The following GOLGA8B variants were observed in gnomAD, a reference collection of about 807,000 sequenced individuals.
The protein encoded by GOLGA8B is golgin A8 family member B, also known as golgin subfamily A member 8B.
In GOLGA8B, 1 loss-of-function variant was observed where a neutral mutation model predicts 15.6. That is an observed-to-expected ratio of 0.06 (90% CI 0.02 to 0.30). GOLGA8B has a LOEUF of 0.30. Ranked by LOEUF, GOLGA8B falls within the 10% of genes least tolerant of loss-of-function variation. The pLI is 1.00. For missense variants in GOLGA8B, 17 were observed against 201.3 expected, an observed-to-expected ratio of 0.08 and a Z score of 5.54; for synonymous variants, 9 against 80.3, an observed-to-expected ratio of 0.11 and a Z score of 4.75.
At chr15:34,563,558 C>T (rs4923702) in intron 1 of GOLGA8B, among the ~76,000 whole-genome samples, 12,518 of 126,464 alleles carry the variant, frequency 0.099, 630 homozygotes, top group Admixed American at 0.19. Flanking sequence ...GTAACCCCAT[C>T]CCTTTTTTTT....
At chr15:34,575,142 G>T (rs72724901) in intron 1 of GOLGA8B, among the ~76,000 whole-genome samples, 1 of 149,114 alleles carries the variant, frequency 6.7e-6, no homozygotes, top group Non-Finnish European at 1.5e-5. Context: ...TAAAACGTCC[G>T]CACTAGCAAG....
At chr15:34,577,529 C>T (rs1301882589) in intron 1 of GOLGA8B, among the ~76,000 whole-genome samples, 2 of 149,644 alleles carry the variant, frequency 1.3e-5, no homozygotes, top group Non-Finnish European at 3.0e-5. Flanking sequence ...CACACACACA[C>T]ACACACACAC....
intron 1 of GOLGA8B, among the ~76,000 whole-genome samples, chr15:34,581,958 G>A (rs1365318069): frequency 1.3e-5 from 2 of 152,158 alleles, no homozygotes; most frequent in Non-Finnish European, 2.9e-5. Flanking sequence ...GCACACAGCT[G>A]CAAGGTCCAG....
chr15:34,567,382 G>A (rs1464939568), intron 1 of GOLGA8B, among the ~76,000 whole-genome samples: 1 of 151,146 alleles, frequency 6.6e-6, no homozygotes, highest in Non-Finnish European at 1.5e-5. Flanking sequence ...ACTTCCTTGG[G>A]CTGTGGCTGG....
chr15:34,567,770 G>T (rs1313434137), intron 1 of GOLGA8B, among the ~76,000 whole-genome samples: 3 of 151,838 alleles, frequency 2.0e-5, no homozygotes, highest in Admixed American at 2.0e-4. Context: ...CAGATTACTG[G>T]TTTTCAAGCA....
intron 1 of GOLGA8B, among the ~76,000 whole-genome samples, chr15:34,582,553 G>C (rs1392488001): frequency 6.6e-6 from 1 of 152,212 alleles, no homozygotes. Flanking sequence ...TTTACGTCTG[G>C]TGCCTGCCAG....
chr15:34,554,441 A>T (rs1888437459), intron 1 of GOLGA8B, among the ~76,000 whole-genome samples: 1 of 134,950 alleles, frequency 7.4e-6, no homozygotes. Flanking sequence ...AACCACACAC[A>T]TTACACACAC....
rs1384358349 is a variant in GOLGA8B at position 34,567,716 on chromosome 15, A to T, written c.-1122-13760T>A. 1.8e-4 allele frequency among the ~76,000 whole-genome samples: 27 copies of T among 151,790 alleles called. 1 individual carries two copies. Among genetic ancestry groups the T allele is most frequent in the African/African-American group, 4.1e-4 (17 of 41,144 alleles). On this transcript the variant is annotated intron_variant, in intron 1 of 23. Coordinates refer to ENST00000683415, the MANE Select transcript of GOLGA8B (RefSeq NM_001023567.5). ...TACCCAGGAAATGACGCACACGGGC[A>T]GATATTAAACCCACCCACACCAAGA...
At chr15:34,578,998 A>C (rs2140357257) in intron 1 of GOLGA8B, among the ~76,000 whole-genome samples, 1 of 152,224 alleles carries the variant, frequency 6.6e-6, no homozygotes, top group East Asian at 1.9e-4. Flanking sequence ...GAGAAGCCAC[A>C]CCATGGAGTC....
At chr15:34,577,031 T>C (rs1195477953) in intron 1 of GOLGA8B, among the ~76,000 whole-genome samples, 1 of 149,766 alleles carries the variant, frequency 6.7e-6, no homozygotes, top group Non-Finnish European at 1.5e-5. Context: ...CAAGACAAAC[T>C]CTGAGCAGTG....
chr15:34,579,069 A>C (rs1281288317), intron 1 of GOLGA8B, among the ~76,000 whole-genome samples: 1 of 152,018 alleles, frequency 6.6e-6, no homozygotes, highest in African/African-American at 2.4e-5. Flanking sequence ...GCCTCAAAAC[A>C]ACCACAGGCA....
intron 1 of GOLGA8B, among the ~76,000 whole-genome samples, chr15:34,574,581 A>G (rs112124593): frequency 6.6e-6 from 1 of 152,072 alleles, no homozygotes; most frequent in African/African-American, 2.4e-5. Flanking sequence ...CTGGGATTAC[A>G]GCATGAACCA....
chr15:34,548,316 A>G (rs1397110088), intron 4 of GOLGA8B, among the ~76,000 whole-genome samples: 7 of 151,190 alleles, frequency 4.6e-5, no homozygotes, highest in African/African-American at 1.7e-4. Flanking sequence ...AACAAAAAAC[A>G]GTTCAAACAA....
At chr15:34,573,536 C>CAAAAAA (rs60984933) in intron 1 of GOLGA8B, among the ~76,000 whole-genome samples, 2 of 86,842 alleles carry the variant, frequency 2.3e-5, no homozygotes, top group African/African-American at 5.3e-5. Context: ...GACTCCGTCT[C>CAAAAAA]AAAAAAAAAA....
At chr15:34,578,538 G>A (rs1293808812) in intron 1 of GOLGA8B, among the ~76,000 whole-genome samples, 5 of 152,192 alleles carry the variant, frequency 3.3e-5, no homozygotes, top group Admixed American at 2.0e-4. Flanking sequence ...GGCCAGCACT[G>A]CCCCGTCACA....
chr15:34,582,091 G>T (rs1267005481), intron 1 of GOLGA8B, among the ~76,000 whole-genome samples: 1 of 152,222 alleles, frequency 6.6e-6, no homozygotes, highest in Non-Finnish European at 1.5e-5. Flanking sequence ...CCAGGCTGAA[G>T]GGGGAGGCAG....
intron 1 of GOLGA8B, among the ~76,000 whole-genome samples, chr15:34,576,583 C>T (rs564697832): frequency 6.6e-6 from 1 of 152,330 alleles, no homozygotes; most frequent in East Asian, 1.9e-4. Context: ...GCAGAATCTT[C>T]ACAATACATG....
At chr15:34,567,658 A>C (rs1451122114) in intron 1 of GOLGA8B, among the ~76,000 whole-genome samples, 1 of 151,902 alleles carries the variant, frequency 6.6e-6, no homozygotes, top group Non-Finnish European at 1.5e-5. Context: ...ATAAGGGTTT[A>C]AAATTGAAAA....
rs547789943 is a variant in GOLGA8B, at chr15:34,572,845, C to A, written c.-1123+10671G>T. ...AGATCTATCATATGTTAGGCGCCAC[C>A]CCCGTTGATGGAGCCAGGGTCCTTC... On this transcript the variant is annotated intron_variant, in intron 1 of 23. Transcript: ENST00000683415. Among the ~76,000 whole-genome samples, 10 of 152,320 alleles carry A rather than the reference C, an allele frequency of 6.6e-5. No homozygotes were observed. In the East Asian group the frequency reaches 1.9e-3, roughly 29 times the overall value.
Sources: gnomAD v4.1 joint callset for allele counts (sites outside exome capture counted in the v4.1 genomes callset) on GRCh38, gnomAD v4.1.1 for gene constraint, MANE v1.5 for transcripts, NCBI Gene and HGNC (gene_info 2026-07-23, HGNC 2026-07-21) for gene names.